Variants in ZC3H7A observed in about 807,000 individuals in gnomAD.
The protein encoded by ZC3H7A is zinc finger CCCH domain-containing protein 7A.
A neutral mutation model predicts 125.5 loss-of-function variants in ZC3H7A; 44 were observed. The ratio of observed to expected loss-of-function variants is 0.35; its 90% CI spans 0.28 to 0.45. ZC3H7A has a LOEUF of 0.45. ZC3H7A is among the 20% of genes least tolerant of loss of function. The pLI is 1.00. For synonymous variants in ZC3H7A, 399 were observed against 391.2 expected (o/e 1.02, Z -0.23); for missense variants, 977 against 1,170.7 (o/e 0.83, Z 2.41).
At position 11,776,673 on chromosome 16, in the gene ZC3H7A, G is replaced by C. The variant is rs1596395345; in HGVS notation, c.465+78C>G. 7.2e-6 allele frequency: 11 copies of C among 1,528,132 alleles called. No individual in the cohort carries two copies. The East Asian group carries it at 2.3e-4, about 32-fold the overall frequency. 94.7% of individuals were successfully genotyped at this position (1,528,132 alleles called of 1,614,324 possible). On this transcript the variant is annotated intron_variant, in intron 5 of 22. Transcript: ENST00000355758. ...ACTGAAGCAGGTTGATGGATGACTG[G>C]AAAATTTAACTCTTTAAATGCCATT...
intron 1 of ZC3H7A, among the ~76,000 whole-genome samples, chr16:11,783,390 C>A (rs1040915561): frequency 1.3e-5 from 2 of 152,140 alleles, no homozygotes; most frequent in African/African-American, 4.8e-5. Flanking sequence ...TCAAGGAGAG[C>A]CACAGAGAAG....
At chr16:11,758,410 A>G (rs756935227) in intron 20 of ZC3H7A, 21 bp downstream of exon 20, 2 of 1,563,170 alleles carry the variant, frequency 1.3e-6, no homozygotes, top group Middle Eastern at 1.7e-4. Flanking sequence ...GCTCAAGGAC[A>G]CAGCTAAAAG....
chr16:11,774,093 G>T, intron 9 of ZC3H7A, 143 bp downstream of exon 9: 1 of 786,022 alleles, frequency 1.3e-6, no homozygotes, highest in Non-Finnish European at 1.8e-6. Context: ...TTTCAGTAGA[G>T]AAGAAAAAAA....
At chr16:11,796,736 C>G (rs548316985) in intron 1 of ZC3H7A, 11 of 152,336 alleles carry the variant, frequency 7.2e-5, no homozygotes, top group African/African-American at 2.6e-4. Flanking sequence ...CGCCGGCATC[C>G]TTCCCGCCCC....
rs191483148 is a variant in ZC3H7A at position 11,765,220 on chromosome 16, C to G, written c.1720-67G>C. 199 of 1,031,542 alleles carry G rather than the reference C, an allele frequency of 1.9e-4. No individual in the cohort carries two copies. The highest frequency in any genetic ancestry group is 2.6e-4 in the Non-Finnish European group (190 of 730,934). The allele number at this position is 1,031,542 out of a possible 1,614,324, so 63.9% of individuals were successfully genotyped here. ...ATAAATTTTGTACCCAGAATATTGT[C>G]CTAGTTTCAATATCATTACAAAATT... On this transcript the variant is annotated intron_variant, in intron 14 of 22. Transcript: ENST00000355758. The surrounding 1 kb of genome is among the most constrained non-coding windows in gnomAD (Gnocchi z 4.8).
intron 1 of ZC3H7A, among the ~76,000 whole-genome samples, chr16:11,790,350 T>C (rs2053329158): frequency 1.3e-5 from 2 of 152,216 alleles, no homozygotes; most frequent in South Asian, 4.1e-4. Flanking sequence ...TCATCTGTAC[T>C]TCCTTGTCTG....
chr16:11,775,098 C>A (rs2053057059), intron 7 of ZC3H7A, 85 bp from the exon 8 acceptor site: 7 of 1,429,048 alleles, frequency 4.9e-6, no homozygotes, highest in Admixed American at 1.7e-5. Context: ...CTAGGCCGGG[C>A]ACAGTGGCTC....
chr16:11,757,607 T>C (rs1425311827), intron 20 of ZC3H7A, among the ~76,000 whole-genome samples: 1 of 151,790 alleles, frequency 6.6e-6, no homozygotes, highest in Non-Finnish European at 1.5e-5. Flanking sequence ...TTTCTAACAA[T>C]GTATCATCAG....
intron 15 of ZC3H7A, 78 bp from the exon 16 acceptor site, chr16:11,763,737 A>G: frequency 3.3e-5 from 1 of 30,606 alleles, no homozygotes; most frequent in Non-Finnish European, 6.3e-5. Context: ...ATATATATAT[A>G]TATATATATA....
At chr16:11,760,141 A>G (rs1400095922) in intron 19 of ZC3H7A, among the ~76,000 whole-genome samples, 25 of 147,242 alleles carry the variant, frequency 1.7e-4, no homozygotes, top group Admixed American at 7.3e-4. Flanking sequence ...AAAAAAAAAA[A>G]AAAAGAAAAA....
At chr16:11,783,984 G>T (rs574879704) in intron 1 of ZC3H7A, among the ~76,000 whole-genome samples, 4 of 137,220 alleles carry the variant, frequency 2.9e-5, no homozygotes, top group Admixed American at 1.7e-4. Context: ...AACAAAAAAG[G>T]GGGGGGCTGT....
chr16:11,755,193 G>C (rs1225517985), intron 21 of ZC3H7A, among the ~76,000 whole-genome samples: 3 of 143,968 alleles, frequency 2.1e-5, no homozygotes, highest in African/African-American at 7.8e-5. Flanking sequence ...CTGGGCAACA[G>C]AGTAAGACTC....
chr16:11,790,688 C>T (rs8059377), intron 1 of ZC3H7A, among the ~76,000 whole-genome samples: 8 of 151,826 alleles, frequency 5.3e-5, no homozygotes, highest in South Asian at 2.1e-4. Context: ...TACAGGCACA[C>T]GCCAAAACGC....
At chr16:11,788,644 C>T (rs1172921887) in intron 1 of ZC3H7A, among the ~76,000 whole-genome samples, 2 of 149,292 alleles carry the variant, frequency 1.3e-5, no homozygotes, top group African/African-American at 4.9e-5. Flanking sequence ...GACGCAGTCT[C>T]CCTCTGTTGC....
chr16:11,792,540 A>C (rs2053370916), intron 1 of ZC3H7A, among the ~76,000 whole-genome samples: 1 of 152,236 alleles, frequency 6.6e-6, no homozygotes, highest in South Asian at 2.1e-4. Context: ...CATCAAGGTA[A>C]GGGAAATGTG....
intron 4 of ZC3H7A, among the ~76,000 whole-genome samples, chr16:11,778,300 G>A (rs1055225470): frequency 6.6e-5 from 10 of 151,960 alleles, no homozygotes; most frequent in East Asian, 1.9e-4. Flanking sequence ...TGCTGGGCAC[G>A]GCGGCATGCG....
rs543428514 is a variant in ZC3H7A, at chr16:11,771,045, A to G, written c.904-58T>C. 320 of 1,456,628 alleles carry G rather than the reference A, an allele frequency of 2.2e-4. 2 individuals carry two copies. The South Asian group carries it at 3.8e-3, about 17-fold the overall frequency. 90.2% of individuals were successfully genotyped at this position (1,456,628 alleles called of 1,614,324 possible). Reference sequence around the variant, plus strand: ...ATGAAGCTGTCATGGGTTTGGCTGAACTACTTTCAACACCAGCAAATAAAA... The same window carrying G: ...ATGAAGCTGTCATGGGTTTGGCTGAGCTACTTTCAACACCAGCAAATAAAA... On this transcript the variant is annotated intron_variant, in intron 9 of 22. Transcript: ENST00000355758.
At chr16:11,772,412 C>T (rs1343466566) in intron 9 of ZC3H7A, among the ~76,000 whole-genome samples, 5 of 151,796 alleles carry the variant, frequency 3.3e-5, no homozygotes, top group East Asian at 1.9e-4. Flanking sequence ...ACGCACCTTA[C>T]GTTATGGTAT....
At chr16:11,752,952 G>C in intron 21 of ZC3H7A, 120 bp from the exon 22 acceptor site, 1 of 1,316,122 alleles carries the variant, frequency 7.6e-7, no homozygotes, top group Non-Finnish European at 1.0e-6. Context: ...TTAGAAATAG[G>C]GACAAGGAAA....
Sources: gnomAD v4.1 joint callset for allele counts (sites outside exome capture counted in the v4.1 genomes callset) on GRCh38, gnomAD v4.1.1 for gene constraint, Gnocchi (gnomAD v3.1) non-coding constraint, MANE v1.5 for transcripts, NCBI Gene and HGNC (gene_info 2026-07-23, HGNC 2026-07-21) for gene names.